Variants in DPYD observed in about 807,000 individuals in gnomAD.
DPYD encodes the protein dihydropyrimidine dehydrogenase.
Under a neutral mutation model 116.2 loss-of-function variants are expected in DPYD, and 109 were observed. The observed-to-expected ratio is 0.94, with a 90% CI of 0.80 to 1.10. DPYD has a LOEUF of 1.10. Among genes scored for constraint, DPYD ranks in the 50% least tolerant of loss-of-function variants. The probability of loss-of-function intolerance (pLI) is 0.00; values close to 1 mark genes in which losing one functional copy is unlikely to be tolerated. For synonymous variants in DPYD, 440 were observed against 432.0 expected, an observed-to-expected ratio of 1.02 and a Z score of -0.23; for missense variants, 1,302 against 1,254.5, an observed-to-expected ratio of 1.04 and a Z score of -0.57.
chr1:97,160,125 A>G lies in DPYD; in HGVS notation c.2622+32944T>C, dbSNP rs536618261. ...TTTATATTTACAGTGTTATATATTC[A>G]ACTAATTCACCAACAATTTCTATAT... On this transcript the variant is annotated intron_variant, in intron 20 of 22. Coordinates refer to ENST00000370192, the MANE Select transcript of DPYD (RefSeq NM_000110.4). Among the ~76,000 whole-genome samples the G allele has an allele frequency of 4.6e-5, 7 of 152,262 alleles. 1 individual carries two copies. In the South Asian group the frequency reaches 1.4e-3, roughly 32 times the overall value.
chr1:97,606,042 T>C (rs1467919896), intron 8 of DPYD, among the ~76,000 whole-genome samples: 3 of 152,096 alleles, frequency 2.0e-5, no homozygotes, highest in East Asian at 1.9e-4. Context: ...AATCATTATA[T>C]ATCTAGTTCT....
chr1:97,154,301 A>C (rs939690732), intron 20 of DPYD, among the ~76,000 whole-genome samples: 7 of 152,220 alleles, frequency 4.6e-5, no homozygotes, highest in Admixed American at 4.6e-4. Flanking sequence ...TACATCATGG[A>C]ATACTACTCA....
chr1:97,162,124 C>G (rs914508220), intron 20 of DPYD, among the ~76,000 whole-genome samples: 17 of 152,008 alleles, frequency 1.1e-4, no homozygotes, highest in Non-Finnish European at 1.9e-4. Context: ...ATTTCTAGTT[C>G]TAGGTCCCTG....
intron 19 of DPYD, among the ~76,000 whole-genome samples, chr1:97,215,084 G>A (rs895004211): frequency 3.3e-5 from 5 of 152,182 alleles, no homozygotes; most frequent in African/African-American, 1.2e-4. Context: ...TTAATAGCTT[G>A]CATCTGTGGT....
chr1:97,082,188 GGACA>G (rs1265599915), intron 22 of DPYD, 138 bp downstream of exon 22: 2 of 1,012,270 alleles, frequency 2.0e-6, no homozygotes, highest in Non-Finnish European at 3.1e-6. Flanking sequence ...AAGGGTGACA[GGACA>G]GAAAGATGTA....
chr1:97,567,485 A>T (rs563629248), intron 11 of DPYD, among the ~76,000 whole-genome samples: 7 of 152,056 alleles, frequency 4.6e-5, no homozygotes, highest in Non-Finnish European at 8.8e-5. Context: ...AAATGTAAGC[A>T]GTGGGTGAAG....
chr1:97,890,835 C>T (rs772071273), intron 1 of DPYD, among the ~76,000 whole-genome samples: 4 of 151,910 alleles, frequency 2.6e-5, no homozygotes, highest in Non-Finnish European at 5.9e-5. Flanking sequence ...TCTATGTCAG[C>T]ATAGCAATAT....
intron 14 of DPYD, among the ~76,000 whole-genome samples, chr1:97,448,515 A>G (rs1328097585): frequency 2.0e-5 from 3 of 152,062 alleles, no homozygotes; most frequent in Admixed American, 2.0e-4. Context: ...TGCTCATAAT[A>G]TATTATAACC....
At chr1:97,310,376 A>G (rs1667432415) in intron 16 of DPYD, among the ~76,000 whole-genome samples, 1 of 151,702 alleles carries the variant, frequency 6.6e-6, no homozygotes, top group Non-Finnish European at 1.5e-5. Context: ...TCTTTAGCAA[A>G]ATTGCTCCCT....
At chr1:97,420,866 C>T (rs1219113491) in intron 14 of DPYD, among the ~76,000 whole-genome samples, 1 of 152,142 alleles carries the variant, frequency 6.6e-6, no homozygotes, top group Non-Finnish European at 1.5e-5. Context: ...TCCTAATCAA[C>T]TTGCTCTTGT....
intron 20 of DPYD, among the ~76,000 whole-genome samples, chr1:97,129,069 C>CTT (rs532541559): frequency 0.032 from 4,272 of 134,960 alleles, 214 homozygotes; most frequent in African/African-American, 0.11. Context: ...CTGCTGTATT[C>CTT]TTTTTTTTTT....
intron 13 of DPYD, among the ~76,000 whole-genome samples, chr1:97,487,667 T>C (rs1308477163): frequency 6.6e-6 from 1 of 152,110 alleles, no homozygotes; most frequent in Non-Finnish European, 1.5e-5. Flanking sequence ...AGCGCGACTC[T>C]GTCTCAAAAA....
chr1:97,417,758 C>A (rs1674363802), intron 14 of DPYD, among the ~76,000 whole-genome samples: 1 of 152,070 alleles, frequency 6.6e-6, no homozygotes, highest in East Asian at 1.9e-4. Flanking sequence ...CATTGTAAAC[C>A]CTGTCATGTC....
intron 14 of DPYD, among the ~76,000 whole-genome samples, chr1:97,411,985 G>T (rs1674022810): frequency 6.6e-6 from 1 of 152,130 alleles, no homozygotes; most frequent in Non-Finnish European, 1.5e-5. Context: ...TGGTATTCAA[G>T]CCATATTTAT....
intron 14 of DPYD, among the ~76,000 whole-genome samples, chr1:97,418,504 TAGTC>T (rs1457611935): frequency 1.3e-5 from 2 of 152,066 alleles, no homozygotes; most frequent in Non-Finnish European, 2.9e-5. Flanking sequence ...TTCACCATGT[TAGTC>T]AGACTGGTTT....
At position 97,549,747 on chromosome 1, in the gene DPYD, G is replaced by GA. The variant is rs751326196; in HGVS notation, c.1340-4dup. The stretch of plus-strand genomic sequence containing the variant: ...TATAGGGCTCAAGGCTTCTTTTACT[G>GA]AAAAAACAAGTGAAAAACAATAGAC... On this transcript the variant is annotated splice_region_variant and splice_polypyrimidine_tract_variant and intron_variant, in intron 11 of 22. Transcript: ENST00000370192. The GA allele has an allele frequency of 1.5e-5, 24 of 1,612,178 alleles. No homozygotes were observed. The highest frequency in any genetic ancestry group is 2.0e-5 in the Non-Finnish European group (24 of 1,179,072).
intron 21 of DPYD, among the ~76,000 whole-genome samples, chr1:97,091,753 T>C (rs1649912084): frequency 6.6e-6 from 1 of 152,178 alleles, no homozygotes; most frequent in South Asian, 2.1e-4. Context: ...CTTCTGACAT[T>C]ATCCAGTATA....
chr1:97,915,731 T>C (rs941642000), intron 1 of DPYD, among the ~76,000 whole-genome samples: 1 of 152,204 alleles, frequency 6.6e-6, no homozygotes, highest in African/African-American at 2.4e-5. Flanking sequence ...AAAATTTTCT[T>C]TACAGTTTTA....
intron 1 of DPYD, among the ~76,000 whole-genome samples, chr1:97,919,012 G>A (rs1375112793): frequency 6.6e-6 from 1 of 152,140 alleles, no homozygotes; most frequent in African/African-American, 2.4e-5. Flanking sequence ...ATGAACTTTG[G>A]TAAATCAATA....
Sources: gnomAD v4.1 joint callset for allele counts (sites outside exome capture counted in the v4.1 genomes callset) on GRCh38, gnomAD v4.1.1 for gene constraint, MANE v1.5 for transcripts, NCBI Gene and HGNC (gene_info 2026-07-23, HGNC 2026-07-21) for gene names.